Variants in NEDD9 observed in about 807,000 individuals in gnomAD.
The protein encoded by NEDD9 is neural precursor cell expressed, developmentally down-regulated 9.
Under a neutral mutation model 76.6 loss-of-function variants are expected in NEDD9, and 26 were observed. That is an observed-to-expected ratio of 0.34 (90% CI 0.25 to 0.47). NEDD9 has a LOEUF of 0.47. NEDD9 is among the 20% of genes least tolerant of loss of function. The probability of loss-of-function intolerance (pLI) is 1.00; values close to 1 mark genes in which losing one functional copy is unlikely to be tolerated. For missense variants in NEDD9, 937 were observed against 1,058.5 expected, an observed-to-expected ratio of 0.89 and a Z score of 1.59; for synonymous variants, 392 against 414.2, an observed-to-expected ratio of 0.95 and a Z score of 0.65.
At position 11,190,518 on chromosome 6, in the gene NEDD9, C is replaced by T; in HGVS notation, c.1351G>A (p.Ala451Thr). Reference sequence around the variant, plus strand: ...AGGAACAGCTCCACCTTGTCCACTGCTGTGCGTATTTCATTGATGTGTCTT... The same window carrying T: ...AGGAACAGCTCCACCTTGTCCACTGTTGTGCGTATTTCATTGATGTGTCTT... ...MERHINEIRT[A>T]VDKVELFLKE... Residue 451 changes from alanine to threonine, a missense_variant, in exon 5 of 7, where the codon GCA becomes ACA. By Grantham distance (58) the Ala-to-Thr change is moderately conservative. Coordinates refer to ENST00000379446, the MANE Select transcript of NEDD9 (RefSeq NM_006403.4). The surrounding 1 kb of genome is among the most constrained non-coding windows in gnomAD (Gnocchi z 5.8). 1 of 1,614,216 alleles carries T rather than the reference C, an allele frequency of 6.2e-7. No homozygotes were observed. Among genetic ancestry groups the T allele is most frequent in the Non-Finnish European group, 8.5e-7 (1 of 1,180,042 alleles).
At chr6:11,186,686 T>C (rs3966740) in intron 6 of NEDD9, among the ~76,000 whole-genome samples, 129,034 of 151,990 alleles carry the variant, frequency 0.85, 54,893 homozygotes, top group East Asian at 1. Context: ...GGCACGATCT[T>C]GGCTCACTGC....
intron 3 of NEDD9, among the ~76,000 whole-genome samples, chr6:11,282,204 A>G (rs1233287139): frequency 6.6e-6 from 1 of 152,206 alleles, no homozygotes; most frequent in African/African-American, 2.4e-5. Flanking sequence ...AATAGTAGAG[A>G]TTAAAAACGC....
intron 1 of NEDD9, among the ~76,000 whole-genome samples, chr6:11,374,272 A>ACTT (rs1762934984): frequency 6.6e-6 from 1 of 152,148 alleles, no homozygotes; most frequent in Admixed American, 6.5e-5. Context: ...CTTGACTTTA[A>ACTT]CTTCTCCACT....
chr6:11,225,138 A>C (rs1759273777), intron 1 of NEDD9, among the ~76,000 whole-genome samples: 1 of 152,214 alleles, frequency 6.6e-6, no homozygotes, highest in African/African-American at 2.4e-5. Context: ...ACAGTAAAAA[A>C]AGGAATTCAA....
intron 3 of NEDD9, among the ~76,000 whole-genome samples, chr6:11,270,435 C>T (rs965876100): frequency 2.0e-5 from 3 of 151,274 alleles, no homozygotes; most frequent in Non-Finnish European, 2.9e-5. Context: ...TTCTTGCCCC[C>T]GGCTTTTCCT....
chr6:11,251,433 C>T (rs1181291337), intron 3 of NEDD9: 1 of 152,210 alleles, frequency 6.6e-6, no homozygotes, highest in Non-Finnish European at 1.5e-5. Flanking sequence ...ACAACCTCCC[C>T]TGTGCAGAAG....
At chr6:11,192,547 G>T in intron 3 of NEDD9, 101 bp from the exon 4 acceptor site, 2 of 778,194 alleles carry the variant, frequency 2.6e-6, no homozygotes, top group South Asian at 3.5e-5. Context: ...ACCAGGTTAT[G>T]TACAAGCTTG....
At position 11,355,826 on chromosome 6, in the gene NEDD9, T is replaced by C. The variant is rs112380289; in HGVS notation, c.-213-21265A>G. 5.9e-5 allele frequency among the ~76,000 whole-genome samples: 9 copies of C among 152,302 alleles called. 1 individual carries two copies. Among genetic ancestry groups the C allele is most frequent in the African/African-American group, 2.2e-4 (9 of 41,582 alleles). On this transcript the variant is annotated intron_variant, in intron 1 of 3. Transcript: ENST00000397378. ...AGCTCCGCCTCCTGTGTTCACACCA[T>C]TCTCCTGCCTCAGCCTCCCCAGTAG...
At chr6:11,229,978 T>C (rs748189507) in intron 1 of NEDD9, among the ~76,000 whole-genome samples, 1 of 152,226 alleles carries the variant, frequency 6.6e-6, no homozygotes, top group East Asian at 1.9e-4. Context: ...GACAATCTTA[T>C]AGGGCCTGAT....
intron 2 of NEDD9, chr6:11,334,401 C>T (rs1762107751): frequency 6.6e-6 from 1 of 152,190 alleles, no homozygotes; most frequent in Admixed American, 6.5e-5. Flanking sequence ...ATAGAATTAA[C>T]TGAATTTGTA....
intron 1 of NEDD9, among the ~76,000 whole-genome samples, chr6:11,222,575 C>T (rs528488675): frequency 3.9e-5 from 6 of 152,338 alleles, no homozygotes; most frequent in African/African-American, 1.4e-4. Context: ...CTTACACGCA[C>T]ATGTTATACA....
Position 11,320,362 on chromosome 6 carries a change from T to C in NEDD9, c.-153+14139A>G, listed in dbSNP as rs575956313. Among the ~76,000 whole-genome samples the C allele has an allele frequency of 3.4e-3, 525 of 152,268 alleles. 3 individuals carry two copies. Among genetic ancestry groups the C allele is most frequent in the African/African-American group, 0.012 (501 of 41,552 alleles). Reference sequence around the variant, plus strand: ...CTTCTAATTAAATAACCTTCTATACTCTCTCGCCTTTTTCTTATCCCAGGA... The same window carrying C: ...CTTCTAATTAAATAACCTTCTATACCCTCTCGCCTTTTTCTTATCCCAGGA... On this transcript the variant is annotated intron_variant, in intron 2 of 3. Coordinates refer to the NEDD9 transcript ENST00000397378.
intron 3 of NEDD9, among the ~76,000 whole-genome samples, chr6:11,292,141 G>T (rs1478983725): frequency 6.6e-6 from 1 of 152,160 alleles, no homozygotes; most frequent in Non-Finnish European, 1.5e-5. Flanking sequence ...GAGTGAAAGT[G>T]CCATTTTCAA....
rs572593277 is a variant in NEDD9 at position 11,213,231 on chromosome 6, T to C, written c.459+50A>G. ...ACATTTCCAAATGCTCCAAGTGTAATGGGAAAAAAAAATAAGTAGGAACAA... is the reference window on the plus strand; with the variant it reads ...ACATTTCCAAATGCTCCAAGTGTAACGGGAAAAAAAAATAAGTAGGAACAA... On this transcript the variant is annotated intron_variant, in intron 2 of 6. Transcript: ENST00000379446. This position sits in a 1 kb window ranked among gnomAD's most constrained non-coding sequence, Gnocchi z 5.4. 124 of 1,503,984 alleles carry C rather than the reference T, an allele frequency of 8.2e-5. No homozygotes were observed. The highest frequency in any genetic ancestry group is 1.1e-4 in the Non-Finnish European group (118 of 1,113,956). 93.2% of individuals were successfully genotyped at this position (1,503,984 alleles called of 1,614,324 possible).
intron 2 of NEDD9, chr6:11,201,052 G>C (rs1396888644): frequency 1.9e-6 from 3 of 1,614,108 alleles, no homozygotes; most frequent in Non-Finnish European, 2.5e-6. Context: ...AACACCTAGA[G>C]ACAAAGCATT....
rs192996731 is a variant in NEDD9 at position 11,224,075 on chromosome 6, A to G, written c.12+8429T>C. 1.8e-3 allele frequency among the ~76,000 whole-genome samples: 279 copies of G among 152,366 alleles called. 3 individuals carry two copies. Among genetic ancestry groups the G allele is most frequent in the Admixed American group, 3.9e-3 (60 of 15,308 alleles). On this transcript the variant is annotated intron_variant, in intron 1 of 6. Coordinates refer to ENST00000379446, the MANE Select transcript of NEDD9 (RefSeq NM_006403.4). ...TTTTTGGTTTGTAAAACATGGATAC[A>G]TACTCACAAAAAAGAAATATTTTTG... is the stretch of plus-strand genomic sequence containing the variant.
In NEDD9 at chr6:11,184,876, A is replaced by T. The variant is rs549779714; in HGVS notation, c.*286T>A. The T allele has an allele frequency of 7.4e-6, 2 of 271,838 alleles. No homozygotes were observed. Among genetic ancestry groups the T allele is most frequent in the Non-Finnish European group, 1.4e-5 (2 of 144,496 alleles). 16.8% of individuals were successfully genotyped at this position (271,838 alleles called of 1,614,324 possible). On this transcript the variant is annotated 3_prime_UTR_variant, in exon 7 of 7. Transcript: ENST00000379446. ...TGAAATGCATCAGACAAACATCTAC[A>T]AACAAACATGAATACATGGGCATAC...
At chr6:11,259,754 T>C (rs1220710073) in intron 3 of NEDD9, among the ~76,000 whole-genome samples, 1 of 152,210 alleles carries the variant, frequency 6.6e-6, no homozygotes, top group African/African-American at 2.4e-5. Context: ...AATTTTCCTA[T>C]TAACAGAGGT....
Position 11,193,630 on chromosome 6 carries a change from C to A in NEDD9, c.522G>T (p.Lys174Asn), listed in dbSNP as rs117909816. 5.8e-5 allele frequency: 93 copies of A among 1,613,954 alleles called. 1 individual carries two copies. The East Asian group carries it at 2.0e-3, about 34-fold the overall frequency. ...GAGAAGGAGGGATATCATAGACGTC[C>A]TTTTGGTATCTGGATGGGTACTCGT... ...YVYEYPSRYQ[K>N]DVYDIPPSHT... is the part of the protein sequence containing the mutation. Residue 174 changes from lysine (K) to asparagine (N), a missense_variant, in exon 3 of 7, where the codon AAG (lysine) becomes AAT (asparagine). Physicochemically the swap from Lys to Asn is moderately conservative, Grantham distance 94 (BLOSUM62 0). Transcript: ENST00000379446.
Sources: gnomAD v4.1 joint callset for allele counts (sites outside exome capture counted in the v4.1 genomes callset) on GRCh38, gnomAD v4.1.1 for gene constraint, Gnocchi (gnomAD v3.1) non-coding constraint, MANE v1.5 for transcripts, NCBI Gene and HGNC (gene_info 2026-07-23, HGNC 2026-07-21) for gene names.